The following FOXP2 variants were observed in gnomAD, a reference collection of about 807,000 sequenced individuals.
The protein encoded by FOXP2 is forkhead box protein P2.
A neutral mutation model predicts 115.8 loss-of-function variants in FOXP2; 12 were observed. The ratio of observed to expected loss-of-function variants is 0.10; its 90% CI spans 0.07 to 0.17. The LOEUF is 0.17. Among genes scored for constraint, FOXP2 ranks in the 10% least tolerant of loss-of-function variants. The pLI is 1.00. For missense variants in FOXP2, 629 were observed against 843.5 expected (o/e 0.75, Z 3.15); for synonymous variants, 328 against 297.7 (o/e 1.10, Z -1.05).
chr7:114,509,899 G>A (rs1462717506), intron 2 of FOXP2, among the ~76,000 whole-genome samples: 2 of 150,962 alleles, frequency 1.3e-5, no homozygotes, highest in East Asian at 3.9e-4. Context: ...AGAGGGAAAG[G>A]GAAAAGAAGA....
chr7:114,314,743 T>C (rs1221598291), intron 2 of FOXP2, among the ~76,000 whole-genome samples: 4 of 152,300 alleles, frequency 2.6e-5, no homozygotes, highest in Middle Eastern at 6.8e-3. Context: ...AGAAGCTATA[T>C]TGGCAATTGA....
intron 2 of FOXP2, among the ~76,000 whole-genome samples, chr7:114,496,775 G>A (rs1239643435): frequency 6.6e-6 from 1 of 152,008 alleles, no homozygotes; most frequent in Admixed American, 6.6e-5. Flanking sequence ...TCTCCTTCCT[G>A]TACTGTTATT....
chr7:114,685,814 G>C (rs116525821), intron 16 of FOXP2, among the ~76,000 whole-genome samples: 143 of 152,114 alleles, frequency 9.4e-4, no homozygotes, highest in African/African-American at 3.4e-3. Flanking sequence ...CAATGTTCTG[G>C]AATCTCATTT....
At chr7:114,406,864 T>C (rs1007908923) in intron 2 of FOXP2, among the ~76,000 whole-genome samples, 41 of 152,140 alleles carry the variant, frequency 2.7e-4, no homozygotes, top group Middle Eastern at 3.4e-3. Flanking sequence ...CAGTACAGTA[T>C]ATTTTCCTAT....
At chr7:114,299,011 G>T (rs993519385) in intron 2 of FOXP2, among the ~76,000 whole-genome samples, 7 of 152,030 alleles carry the variant, frequency 4.6e-5, no homozygotes, top group African/African-American at 1.4e-4. Flanking sequence ...GAAAGGGATT[G>T]TTTCATATAC....
At chr7:114,397,983 T>C (rs904307957) in intron 2 of FOXP2, among the ~76,000 whole-genome samples, 2 of 148,506 alleles carry the variant, frequency 1.3e-5, no homozygotes, top group Admixed American at 1.3e-4. Flanking sequence ...GAAGATTAAG[T>C]TTTTTTTTTC....
At chr7:114,402,130 A>G (rs1046892089) in intron 2 of FOXP2, among the ~76,000 whole-genome samples, 2 of 152,174 alleles carry the variant, frequency 1.3e-5, no homozygotes, top group Admixed American at 1.3e-4. Context: ...TCCAAAAACA[A>G]CAACAAAAAG....
rs184104537 is a variant in FOXP2, at chr7:114,252,545, A to T, written c.-101-35474A>T. ...GGAGGGTGTATGTGTCCAGGAATTT[A>T]TCCATTTCTTCTAGATTTTCTAGTT... On this transcript the variant is annotated intron_variant, in intron 1 of 17. Coordinates refer to the FOXP2 transcript ENST00000634411. 2.2e-3 allele frequency among the ~76,000 whole-genome samples: 336 copies of T among 152,184 alleles called. 5 individuals are homozygous for T. In the East Asian group the frequency reaches 0.027, roughly 12 times the overall value.
At chr7:114,335,030 A>G (rs1015273724) in intron 2 of FOXP2, among the ~76,000 whole-genome samples, 1 of 149,328 alleles carries the variant, frequency 6.7e-6, no homozygotes, top group African/African-American at 2.4e-5. Flanking sequence ...TTTTACACAA[A>G]AGCATGAGCA....
chr7:114,268,421 CT>C lies in FOXP2; in HGVS notation c.-101-19597del, dbSNP rs546336920. On this transcript the variant is annotated intron_variant, in intron 1 of 17. Transcript: ENST00000634411. ...GAATTTAGTGAAACATAAATTTGGA[CT>C]ACAAACTCAGATTAAGTACAAAAAT... 1.3e-3 allele frequency among the ~76,000 whole-genome samples: 204 copies of C among 152,216 alleles called. 1 individual carries two copies. The highest frequency in any genetic ancestry group is 4.7e-3 in the African/African-American group (196 of 41,550).
intron 2 of FOXP2, chr7:114,366,754 T>A (rs1791891546): frequency 6.6e-6 from 1 of 152,292 alleles, no homozygotes; most frequent in East Asian, 1.9e-4. Context: ...AATTATTGCA[T>A]CATGAAATGA....
chr7:114,247,947 G>A (rs750888883), intron 1 of FOXP2, among the ~76,000 whole-genome samples: 27 of 151,824 alleles, frequency 1.8e-4, no homozygotes, highest in Non-Finnish European at 1.8e-4. Flanking sequence ...AGATACACAC[G>A]AACACACACA....
At chr7:114,538,044 T>C (rs1413481401) in intron 3 of FOXP2, among the ~76,000 whole-genome samples, 3 of 151,668 alleles carry the variant, frequency 2.0e-5, no homozygotes, top group Non-Finnish European at 3.0e-5. Context: ...AGACTTGATA[T>C]GTTCATAGTG....
chr7:114,138,935 G>T lies in FOXP2; in HGVS notation c.-246-24009G>T, dbSNP rs368204219. ...AAATACGAACAAAGTGTGAACTTCA[G>T]TTAATTTTTTTAAAGTTAATTTTAG... On this transcript the variant is annotated intron_variant, in intron 1 of 19. Transcript: ENST00000635638. 5.7e-4 allele frequency among the ~76,000 whole-genome samples: 87 copies of T among 152,244 alleles called. No homozygotes were observed. The East Asian group carries it at 0.012, about 21-fold the overall frequency.
chr7:114,503,352 C>T (rs10266297), intron 2 of FOXP2, among the ~76,000 whole-genome samples: 96,164 of 151,312 alleles, frequency 0.64, 31,621 homozygotes, highest in African/African-American at 0.81. Context: ...ATCTGAACAT[C>T]TGTGGAAACT....
intron 2 of FOXP2, among the ~76,000 whole-genome samples, chr7:114,400,011 C>T (rs1388755890): frequency 1.3e-5 from 2 of 151,784 alleles, no homozygotes; most frequent in African/African-American, 2.4e-5. Flanking sequence ...CGCCTGGTAC[C>T]GCACCTGGCT....
chr7:114,363,829 T>TA (rs937699731), intron 2 of FOXP2, among the ~76,000 whole-genome samples: 3 of 151,468 alleles, frequency 2.0e-5, no homozygotes, highest in Non-Finnish European at 2.9e-5. Context: ...TATGTGTATT[T>TA]AAAAAAAAAG....
At chr7:114,271,156 A>G (rs1010551787) in intron 1 of FOXP2, among the ~76,000 whole-genome samples, 1 of 151,924 alleles carries the variant, frequency 6.6e-6, no homozygotes. Flanking sequence ...GTAATTACTT[A>G]TTAGTTCCAG....
At chr7:114,142,063 G>A (rs1251093830) in intron 1 of FOXP2, among the ~76,000 whole-genome samples, 5 of 151,552 alleles carry the variant, frequency 3.3e-5, no homozygotes, top group African/African-American at 7.3e-5. Flanking sequence ...TCGCTCTGTC[G>A]CCAGGCTGGA....
Sources: allele counts gnomAD v4.1 joint callset (sites outside exome capture counted in the v4.1 genomes callset), GRCh38; gene constraint gnomAD v4.1.1; transcripts MANE v1.5; gene names NCBI Gene and HGNC (gene_info 2026-07-23, HGNC 2026-07-21).